PCDHAC1: variants seen among roughly 807,000 people sequenced by gnomAD.
The protein encoded by PCDHAC1 is protocadherin alpha-C1.
In PCDHAC1, 42 loss-of-function variants were observed where a neutral mutation model predicts 60.0. The ratio of observed to expected loss-of-function variants is 0.70; its 90% CI spans 0.55 to 0.90. The LOEUF is 0.90. PCDHAC1 is among the 40% of genes least tolerant of loss of function. PCDHAC1 has a pLI of 0.00. For synonymous variants in PCDHAC1, 468 were observed against 499.3 expected, an observed-to-expected ratio of 0.94 and a Z score of 0.84; for missense variants, 1,160 against 1,222.3, an observed-to-expected ratio of 0.95 and a Z score of 0.76.
rs782188555 is a variant in PCDHAC1, at chr5:140,927,395, A to G, written c.503A>G (p.His168Arg). The change falls in exon 1 of 4, where the codon CAC (histidine) becomes CGC (arginine). Residue 168 changes from histidine to arginine, a missense_variant. Physicochemically the swap from His to Arg is conservative, Grantham distance 29. Around this residue, in one of 3 missense-constraint regions of PCDHAC1, gnomAD observed 1,113 missense variants for 1,163.7 expected, o/e 0.96. Coordinates refer to ENST00000253807, the MANE Select transcript of PCDHAC1 (RefSeq NM_018898.5). ...ILSYSLSPSQ[H>R]FRLDMGSRVD... ...AGCTACAGCCTAAGCCCCAGTCAGC[A>G]CTTTCGCCTGGACATGGGATCGCGG... is the stretch of plus-strand genomic sequence containing the variant. 1.9e-6 allele frequency: 3 copies of G among 1,614,194 alleles called. No homozygotes were observed. Among genetic ancestry groups the G allele is most frequent in the South Asian group, 2.2e-5 (2 of 91,090 alleles).
chr5:141,009,510 C>T (rs936602953), intron 3 of PCDHAC1, 117 bp from the exon 4 acceptor site: 7 of 1,498,300 alleles, frequency 4.7e-6, no homozygotes, highest in Admixed American at 4.7e-5. Flanking sequence ...ACAAACAACT[C>T]GTGATTTTTC....
chr5:140,982,985 A>C (rs2097019022), intron 3 of PCDHAC1, among the ~76,000 whole-genome samples: 1 of 152,162 alleles, frequency 6.6e-6, no homozygotes, highest in Non-Finnish European at 1.5e-5. Flanking sequence ...AAAGAAAGAG[A>C]AAAAGAAGGA....
Position 140,927,493 on chromosome 5 carries a change from C to G in PCDHAC1, c.601C>G (p.Leu201Val). Residue 201 changes from leucine (L) to valine (V), a missense_variant, in exon 1 of 4, where the codon CTG becomes GTG. Around this residue, in one of 3 missense-constraint regions of PCDHAC1, gnomAD observed 1,113 missense variants for 1,163.7 expected, o/e 0.96. Coordinates refer to ENST00000253807, the MANE Select transcript of PCDHAC1 (RefSeq NM_018898.5). ...TCGCGAACAGCGCGCCACCCACCTG[C>G]TGGTGCTTACAGCTCGGGACGGCGG... Reference protein sequence around the residue: ...LDREQRATHLLVLTARDGGLP... With the variant: ...LDREQRATHLVVLTARDGGLP... The G allele has an allele frequency of 6.2e-7, 1 of 1,614,144 alleles. No homozygotes were observed.
chr5:140,976,354 C>A (rs1331334402), intron 1 of PCDHAC1, among the ~76,000 whole-genome samples: 2 of 151,960 alleles, frequency 1.3e-5, no homozygotes, highest in Non-Finnish European at 2.9e-5. Context: ...TGTTCAAGAC[C>A]AGCCTGGCCA....
chr5:140,929,166 C>A lies in PCDHAC1; in HGVS notation c.2274C>A (p.Ala758=), dbSNP rs782695019. Residue 758 remains alanine (A), a synonymous_variant, in exon 1 of 4, where the codon GCC becomes GCA. Transcript: ENST00000253807. The part of the protein sequence containing the change: ...ERLSQTYLYR[A]SLGLGSDNNS... Reference sequence around the variant, plus strand: ...TTTCTCAGACTTATCTCTATCGGGCCTCTCTGGGACTTGGTTCTGATAATA... The same window carrying A: ...TTTCTCAGACTTATCTCTATCGGGCATCTCTGGGACTTGGTTCTGATAATA... 6.2e-7 allele frequency: 1 copy of A among 1,614,146 alleles called. No individual in the cohort carries two copies. Among genetic ancestry groups the A allele is most frequent in the Admixed American group, 1.7e-5 (1 of 60,016 alleles).
At chr5:140,968,756 G>T in intron 1 of PCDHAC1, 1 of 1,614,202 alleles carries the variant, frequency 6.2e-7, no homozygotes, top group Non-Finnish European at 8.5e-7. Flanking sequence ...GGTGGTCCGA[G>T]ATAATGGAGA....
intron 3 of PCDHAC1, among the ~76,000 whole-genome samples, chr5:140,990,983 A>G (rs3776109): frequency 0.049 from 7,423 of 152,298 alleles, 240 homozygotes; most frequent in South Asian, 0.11. Flanking sequence ...AAAGGAAGAC[A>G]ATAGCTACCA....
intron 3 of PCDHAC1, among the ~76,000 whole-genome samples, chr5:140,991,068 T>A (rs1563570560): frequency 6.6e-6 from 1 of 152,216 alleles, no homozygotes; most frequent in Admixed American, 6.5e-5. Flanking sequence ...ATTATTCCCA[T>A]GTTTCAGATA....
At chr5:140,962,667 C>T (rs576054969) in intron 1 of PCDHAC1, among the ~76,000 whole-genome samples, 1 of 152,272 alleles carries the variant, frequency 6.6e-6, no homozygotes, top group East Asian at 1.9e-4. Flanking sequence ...TTCATCTTCC[C>T]ATCCACTGGA....
At chr5:140,979,150 C>T (rs1470916466) in intron 2 of PCDHAC1, 143 bp downstream of exon 2, 4 of 1,435,458 alleles carry the variant, frequency 2.8e-6, no homozygotes, top group Middle Eastern at 3.7e-4. Context: ...ATTTTGTCCC[C>T]ATGTTTATTC....
chr5:140,932,790 A>G (rs917083739), intron 1 of PCDHAC1, among the ~76,000 whole-genome samples: 21 of 152,066 alleles, frequency 1.4e-4, no homozygotes, highest in African/African-American at 5.1e-4. Flanking sequence ...GACATAAGAG[A>G]AAAGCAATAC....
intron 3 of PCDHAC1, among the ~76,000 whole-genome samples, chr5:140,985,873 G>C (rs1210347898): frequency 1.3e-5 from 2 of 151,280 alleles, no homozygotes; most frequent in Non-Finnish European, 2.9e-5. Flanking sequence ...CTGAGTAGCT[G>C]GGACTACAGG....
At chr5:140,959,602 C>CTT (rs1554224184) in intron 1 of PCDHAC1, among the ~76,000 whole-genome samples, 1 of 152,008 alleles carries the variant, frequency 6.6e-6, no homozygotes, top group African/African-American at 2.4e-5. Context: ...GTATAACATG[C>CTT]TTTTCTTGCT....
chr5:140,972,322 T>C (rs2096531924), intron 1 of PCDHAC1, among the ~76,000 whole-genome samples: 1 of 151,968 alleles, frequency 6.6e-6, no homozygotes, highest in African/African-American at 2.4e-5. Context: ...AGGTGTTTTT[T>C]TTTTTTGGAA....
At chr5:140,929,370 C>T in intron 1 of PCDHAC1, 45 bp downstream of exon 1, 1 of 1,515,732 alleles carries the variant, frequency 6.6e-7, no homozygotes, top group Non-Finnish European at 8.8e-7. Flanking sequence ...CCGGAGATGG[C>T]TGCTAGCTGT....
intron 3 of PCDHAC1, among the ~76,000 whole-genome samples, chr5:140,990,557 A>G (rs782726055): frequency 2.0e-5 from 3 of 152,166 alleles, no homozygotes; most frequent in Non-Finnish European, 4.4e-5. Flanking sequence ...TTACCCAAGA[A>G]CACACACCTG....
chr5:140,980,762 T>C (rs1293384140), intron 2 of PCDHAC1, among the ~76,000 whole-genome samples: 2 of 152,090 alleles, frequency 1.3e-5, no homozygotes, highest in Non-Finnish European at 2.9e-5. Context: ...AGAAATAAAA[T>C]AAAAATTGAA....
At chr5:140,973,800 C>A (rs1554235613) in intron 1 of PCDHAC1, among the ~76,000 whole-genome samples, 1 of 152,236 alleles carries the variant, frequency 6.6e-6, no homozygotes, top group Non-Finnish European at 1.5e-5. Context: ...ATGCTGTCTA[C>A]TTGACAGAAT....
chr5:140,962,595 A>G (rs1307695991), intron 1 of PCDHAC1, among the ~76,000 whole-genome samples: 1 of 152,192 alleles, frequency 6.6e-6, no homozygotes, highest in Non-Finnish European at 1.5e-5. Flanking sequence ...TTTGACTGAT[A>G]TATTTCTTCT....
Sources: gnomAD v4.1 joint callset for allele counts (sites outside exome capture counted in the v4.1 genomes callset) on GRCh38, gnomAD v4.1.1 for gene constraint, gnomAD v4.1.1 regional missense constraint, MANE v1.5 for transcripts, NCBI Gene and HGNC (gene_info 2026-07-23, HGNC 2026-07-21) for gene names.